FSTL4: variants seen among roughly 807,000 people sequenced by gnomAD.
FSTL4 encodes follistatin-related protein 4.
Under a neutral mutation model 78.2 loss-of-function variants are expected in FSTL4, and 28 were observed. The observed-to-expected ratio is 0.36, with a 90% CI of 0.27 to 0.49. The LOEUF (loss-of-function observed/expected upper bound fraction) is 0.49, where lower values mean the gene tolerates loss of function less well. Among genes scored for constraint, FSTL4 ranks in the 20% least tolerant of loss-of-function variants. FSTL4 has a pLI of 0.98. For missense variants in FSTL4, 922 were observed against 1,084.9 expected, an observed-to-expected ratio of 0.85 and a Z score of 2.11; for synonymous variants, 422 against 440.5, an observed-to-expected ratio of 0.96 and a Z score of 0.53.
intron 3 of FSTL4, among the ~76,000 whole-genome samples, chr5:133,499,601 C>A (rs1758446859): frequency 6.6e-6 from 1 of 152,126 alleles, no homozygotes; most frequent in African/African-American, 2.4e-5. Context: ...ATAACAGTGA[C>A]AACTCATATT....
At position 133,544,515 on chromosome 5, in the gene FSTL4, T is replaced by C. The variant is rs1021790631; in HGVS notation, c.160+22671A>G. ...TTCTAGGCCCTGGAGGCAGGCATCA[T>C]GTGCTGCTATTCTTGAAAGAAAGAA... On this transcript the variant is annotated intron_variant, in intron 3 of 15. Coordinates refer to ENST00000265342, the MANE Select transcript of FSTL4 (RefSeq NM_015082.2). Among the ~76,000 whole-genome samples, 13 of 152,314 alleles carry C rather than the reference T, an allele frequency of 8.5e-5. No homozygotes were observed. The East Asian group carries it at 2.5e-3, about 29-fold the overall frequency.
chr5:133,447,379 C>T (rs1187867306), intron 3 of FSTL4, among the ~76,000 whole-genome samples: 3 of 152,154 alleles, frequency 2.0e-5, no homozygotes, highest in Admixed American at 6.5e-5. Flanking sequence ...ATGCATCTCC[C>T]AGAAATTTCC....
At chr5:133,733,458 C>A in the FSTL4 span, among the ~76,000 whole-genome samples, 1 of 152,114 alleles carries the variant, frequency 6.6e-6, no homozygotes. Context: ...AAATACTGAA[C>A]CCAAATCAAG....
chr5:133,274,472 C>T (rs147181368), intron 6 of FSTL4, among the ~76,000 whole-genome samples: 2,016 of 120,014 alleles, frequency 0.017, 28 homozygotes, highest in Non-Finnish European at 0.021. Flanking sequence ...GTGTCTTCAA[C>T]TTCATAACCT....
intron 3 of FSTL4, among the ~76,000 whole-genome samples, chr5:133,522,649 T>C (rs909836177): frequency 6.6e-6 from 1 of 152,248 alleles, no homozygotes. Context: ...TGGCTGCCAC[T>C]TTTTAAATTA....
At chr5:133,694,435 T>C in the FSTL4 span, among the ~76,000 whole-genome samples, 1 of 152,244 alleles carries the variant, frequency 6.6e-6, no homozygotes, top group African/African-American at 2.4e-5. Context: ...AAACATTAAC[T>C]GAGCATGCGC....
the FSTL4 span, among the ~76,000 whole-genome samples, chr5:133,646,161 A>G: frequency 1.4e-4 from 21 of 152,176 alleles, 1 homozygote; most frequent in African/African-American, 4.3e-4. Context: ...ATAGAGAAAA[A>G]TGCAAGAGAC....
the FSTL4 span, among the ~76,000 whole-genome samples, chr5:133,643,787 G>A: frequency 6.6e-6 from 1 of 152,128 alleles, no homozygotes; most frequent in East Asian, 1.9e-4. Flanking sequence ...CCCTGAAGGG[G>A]GCATAGGCCA....
chr5:133,648,157 C>G, the FSTL4 span, among the ~76,000 whole-genome samples: 1 of 151,996 alleles, frequency 6.6e-6, no homozygotes, highest in Non-Finnish European at 1.5e-5. Flanking sequence ...TTTTCAGCAG[C>G]ATGGAAATGG....
At chr5:133,395,283 G>A (rs913951927) in intron 4 of FSTL4, among the ~76,000 whole-genome samples, 2 of 152,092 alleles carry the variant, frequency 1.3e-5, no homozygotes, top group Non-Finnish European at 2.9e-5. Context: ...CTTCACTTCT[G>A]AGGCCTGCGA....
chr5:133,470,830 T>C (rs986182461), intron 3 of FSTL4, among the ~76,000 whole-genome samples: 20 of 150,332 alleles, frequency 1.3e-4, no homozygotes, highest in Non-Finnish European at 3.0e-4. Context: ...ACATGAGTCT[T>C]GAAACAAAAA....
chr5:133,399,422 G>A (rs763091328), intron 4 of FSTL4, among the ~76,000 whole-genome samples: 9 of 152,128 alleles, frequency 5.9e-5, no homozygotes, highest in Non-Finnish European at 8.8e-5. Flanking sequence ...GTCATCACCC[G>A]GTAAAGGCAC....
intron 3 of FSTL4, among the ~76,000 whole-genome samples, chr5:133,445,178 T>A (rs776864733): frequency 6.6e-6 from 1 of 152,254 alleles, no homozygotes; most frequent in Non-Finnish European, 1.5e-5. Flanking sequence ...TCTTTTGGCA[T>A]GGGAGGTGCC....
chr5:133,575,364 C>T (rs1208574569), intron 2 of FSTL4: 2 of 152,218 alleles, frequency 1.3e-5, no homozygotes, highest in African/African-American at 4.8e-5. Flanking sequence ...AATTATTTAA[C>T]ATTTCCTTAG....
chr5:133,813,129 T>C, the FSTL4 span, among the ~76,000 whole-genome samples: 1 of 150,496 alleles, frequency 6.6e-6, no homozygotes, highest in Non-Finnish European at 1.5e-5. Context: ...CAGCCTCCTG[T>C]CCAATGGAGG....
chr5:133,754,642 G>C, the FSTL4 span, among the ~76,000 whole-genome samples: 2 of 152,158 alleles, frequency 1.3e-5, no homozygotes, highest in African/African-American at 4.8e-5. Context: ...GCTCACCTCA[G>C]AAAACCCACT....
chr5:133,354,598 CAG>C (rs971297248), intron 4 of FSTL4, among the ~76,000 whole-genome samples: 17 of 152,158 alleles, frequency 1.1e-4, no homozygotes, highest in Non-Finnish European at 2.4e-4. Flanking sequence ...TCCTTGTGAA[CAG>C]AGTTTGAACT....
intron 3 of FSTL4, among the ~76,000 whole-genome samples, chr5:133,456,692 AC>A (rs1368746638): frequency 7.9e-6 from 1 of 126,944 alleles, no homozygotes; most frequent in Non-Finnish European, 1.6e-5. Flanking sequence ...ACTTAAAAAA[AC>A]AAAACAAAAC....
intron 4 of FSTL4, among the ~76,000 whole-genome samples, chr5:133,321,557 AGTGGCAGGCCGGGCGCG>A (rs1754053285): frequency 1.3e-5 from 2 of 152,184 alleles, no homozygotes; most frequent in Admixed American, 6.5e-5. Context: ...TGAGAATGAT[AGTGGCAGGCCGGGCGCG>A]GTGGCTCACG....
Sources: gnomAD v4.1 joint callset for allele counts (sites outside exome capture counted in the v4.1 genomes callset) on GRCh38, gnomAD v4.1.1 for gene constraint, MANE v1.5 for transcripts, NCBI Gene and HGNC (gene_info 2026-07-23, HGNC 2026-07-21) for gene names.